B3GALT1: variants seen among roughly 807,000 people sequenced by gnomAD.
B3GALT1 encodes beta-1,3-galactosyltransferase 1.
In B3GALT1, 10 loss-of-function variants were observed where a neutral mutation model predicts 23.2. The ratio of observed to expected loss-of-function variants is 0.43; its 90% CI spans 0.27 to 0.73. B3GALT1 has a LOEUF of 0.73. Ranked by LOEUF, B3GALT1 falls within the 30% of genes least tolerant of loss-of-function variation. B3GALT1 has a pLI of 0.21. For synonymous variants in B3GALT1, 156 were observed against 141.5 expected, an observed-to-expected ratio of 1.10 and a Z score of -0.73; for missense variants, 299 against 405.4, an observed-to-expected ratio of 0.74 and a Z score of 2.25.
intron 4 of B3GALT1, among the ~76,000 whole-genome samples, chr2:167,860,052 T>G (rs1690069372): frequency 6.6e-6 from 1 of 152,204 alleles, no homozygotes; most frequent in Non-Finnish European, 1.5e-5. Flanking sequence ...TACAGCATAA[T>G]TATAAGAGTG....
chr2:167,303,309 T>G (rs1696481508), intron 1 of B3GALT1, among the ~76,000 whole-genome samples: 1 of 152,146 alleles, frequency 6.6e-6, no homozygotes, highest in Non-Finnish European at 1.5e-5. Context: ...GTAAAAATTC[T>G]CCCTCTCGTA....
At chr2:167,302,198 CTT>C (rs1157692698) in intron 1 of B3GALT1, among the ~76,000 whole-genome samples, 1 of 152,004 alleles carries the variant, frequency 6.6e-6, no homozygotes, top group Non-Finnish European at 1.5e-5. Flanking sequence ...AAGAAGGACT[CTT>C]GATTTACATT....
At chr2:167,756,638 G>C (rs1687823132) in intron 3 of B3GALT1, among the ~76,000 whole-genome samples, 1 of 152,200 alleles carries the variant, frequency 6.6e-6, no homozygotes, top group African/African-American at 2.4e-5. Flanking sequence ...CTAGTGAATG[G>C]CTAAGCTTCC....
chr2:167,560,518 A>G (rs1255826863), intron 2 of B3GALT1, among the ~76,000 whole-genome samples: 1 of 152,262 alleles, frequency 6.6e-6, no homozygotes, highest in African/African-American at 2.4e-5. Context: ...GGCAAATTGA[A>G]TAAAGAGTCA....
At chr2:167,833,661 A>G (rs1376558089) in intron 4 of B3GALT1, among the ~76,000 whole-genome samples, 1 of 152,244 alleles carries the variant, frequency 6.6e-6, no homozygotes, top group Non-Finnish European at 1.5e-5. Context: ...ACTGAAAGTT[A>G]CCTATCTATC....
At chr2:167,405,432 G>A (rs141759951) in intron 1 of B3GALT1, among the ~76,000 whole-genome samples, 138 of 152,120 alleles carry the variant, frequency 9.1e-4, no homozygotes, top group African/African-American at 3.2e-3. Flanking sequence ...TTTTCCAAAT[G>A]CTATTCTTCT....
chr2:167,739,710 A>G (rs1260642440), intron 3 of B3GALT1, among the ~76,000 whole-genome samples: 5 of 152,138 alleles, frequency 3.3e-5, no homozygotes, highest in African/African-American at 1.2e-4. Flanking sequence ...AGATTAACCC[A>G]TAGAAGTTCA....
At chr2:167,552,316 A>G (rs1683763259) in intron 2 of B3GALT1, among the ~76,000 whole-genome samples, 1 of 152,214 alleles carries the variant, frequency 6.6e-6, no homozygotes, top group Admixed American at 6.5e-5. Flanking sequence ...TAGCAAGCAC[A>G]GCAGTTTAGG....
intron 4 of B3GALT1, among the ~76,000 whole-genome samples, chr2:167,860,616 C>T (rs796925304): frequency 2.0e-5 from 3 of 152,212 alleles, no homozygotes; most frequent in African/African-American, 7.2e-5. Flanking sequence ...ATTCTGAGTA[C>T]TAGTTTGAGA....
chr2:167,499,907 T>C (rs1699828997), intron 2 of B3GALT1, among the ~76,000 whole-genome samples: 1 of 152,140 alleles, frequency 6.6e-6, no homozygotes, highest in African/African-American at 2.4e-5. Context: ...CACAGTTAAA[T>C]TAACTTGATT....
chr2:167,352,460 G>A (rs1231381410), intron 1 of B3GALT1, among the ~76,000 whole-genome samples: 3 of 150,642 alleles, frequency 2.0e-5, no homozygotes, highest in Non-Finnish European at 4.4e-5. Context: ...AGTGGCTCAC[G>A]CCTGTAATCC....
intron 1 of B3GALT1, among the ~76,000 whole-genome samples, chr2:167,447,144 C>G (rs536410464): frequency 6.6e-6 from 1 of 152,140 alleles, no homozygotes; most frequent in African/African-American, 2.4e-5. Context: ...CCCTGTTTGC[C>G]TGGGTATCAC....
At chr2:167,563,268 C>CGGACGGG (rs1558906641) in intron 2 of B3GALT1, among the ~76,000 whole-genome samples, 37 of 145,926 alleles carry the variant, frequency 2.5e-4, no homozygotes, top group African/African-American at 5.4e-4. Flanking sequence ...GGCGGCTGGC[C>CGGACGGG]GGGCAGAGGG....
intron 2 of B3GALT1, among the ~76,000 whole-genome samples, chr2:167,643,465 GAAAGA>G (rs1207683395): frequency 6.6e-6 from 1 of 151,896 alleles, no homozygotes; most frequent in Non-Finnish European, 1.5e-5. Context: ...AGTGGTAGGG[GAAAGA>G]AAAGAAAAAA....
At chr2:167,424,557 G>A (rs1311505623) in intron 1 of B3GALT1, among the ~76,000 whole-genome samples, 2 of 151,836 alleles carry the variant, frequency 1.3e-5, no homozygotes. Context: ...TAGTGTGTGT[G>A]TGTGTTTGTG....
intron 2 of B3GALT1, among the ~76,000 whole-genome samples, chr2:167,500,188 T>G (rs992265481): frequency 1.3e-5 from 2 of 152,098 alleles, no homozygotes; most frequent in Non-Finnish European, 2.9e-5. Flanking sequence ...GAAGATGCAG[T>G]TTTGCAAAGG....
intron 3 of B3GALT1, among the ~76,000 whole-genome samples, chr2:167,693,962 G>C (rs530694527): frequency 6.6e-5 from 10 of 152,176 alleles, no homozygotes; most frequent in African/African-American, 2.2e-4. Flanking sequence ...CCGTTGTCTG[G>C]GGTTCCTTAT....
chr2:167,747,640 T>C (rs1356279553), intron 3 of B3GALT1, among the ~76,000 whole-genome samples: 1 of 152,162 alleles, frequency 6.6e-6, no homozygotes, highest in Non-Finnish European at 1.5e-5. Context: ...TATGTTTAAG[T>C]GAAGAAAGCA....
intron 4 of B3GALT1, among the ~76,000 whole-genome samples, chr2:167,847,441 A>C (rs1214541646): frequency 6.6e-6 from 1 of 152,232 alleles, no homozygotes; most frequent in Non-Finnish European, 1.5e-5. Context: ...GGAACCTTCA[A>C]AACTGTGCAA....
Sources: allele counts gnomAD v4.1 joint callset (sites outside exome capture counted in the v4.1 genomes callset), GRCh38; gene constraint gnomAD v4.1.1; transcripts MANE v1.5; gene names NCBI Gene and HGNC (gene_info 2026-07-23, HGNC 2026-07-21).